The following DYRK1A variants were observed in gnomAD, a reference collection of about 807,000 sequenced individuals.
The protein encoded by DYRK1A is dual specificity tyrosine-phosphorylation-regulated kinase 1A.
DYRK1A carries 9 observed loss-of-function variants against 79.7 expected under a neutral mutation model. The observed-to-expected ratio is 0.11, with a 90% CI of 0.07 to 0.20. DYRK1A has a LOEUF of 0.20. DYRK1A is among the 10% of genes least tolerant of loss of function. DYRK1A has a pLI of 1.00. For synonymous variants in DYRK1A, 349 were observed against 329.7 expected (o/e 1.06, Z -0.63); for missense variants, 622 against 956.0 (o/e 0.65, Z 4.61).
At chr21:37,456,146 G>A (rs930015594) in intron 2 of DYRK1A, 2 of 152,362 alleles carry the variant, frequency 1.3e-5, no homozygotes, top group East Asian at 1.9e-4. Context: ...ATGAGGTGAC[G>A]TTTAAGCTGC....
intron 1 of DYRK1A, among the ~76,000 whole-genome samples, chr21:37,386,091 A>G (rs2049754271): frequency 1.3e-5 from 2 of 152,286 alleles, no homozygotes; most frequent in South Asian, 2.1e-4. Flanking sequence ...GAGGTGAACT[A>G]ATTTTCCCAT....
intron 2 of DYRK1A, among the ~76,000 whole-genome samples, chr21:37,463,203 CGTGTGTGT>C (rs6147501): frequency 0.01 from 1,521 of 145,300 alleles, 12 homozygotes; most frequent in East Asian, 0.033. Context: ...AATGTTGGCA[CGTGTGTGT>C]GTGTGTGTGT....
intron 2 of DYRK1A, among the ~76,000 whole-genome samples, chr21:37,467,143 A>G (rs1430795908): frequency 1.3e-5 from 2 of 151,906 alleles, no homozygotes; most frequent in Non-Finnish European, 2.9e-5. Context: ...AACGGAAACT[A>G]TCCACAAGCA....
chr21:37,443,443 G>C (rs2051169988), intron 2 of DYRK1A, among the ~76,000 whole-genome samples: 1 of 152,106 alleles, frequency 6.6e-6, no homozygotes, highest in South Asian at 2.1e-4. Context: ...TTTTTATTGT[G>C]TACCAGCCAT....
chr21:37,377,873 G>A (rs574196468), intron 1 of DYRK1A, among the ~76,000 whole-genome samples: 62 of 152,276 alleles, frequency 4.1e-4, no homozygotes, highest in East Asian at 3.9e-4. Flanking sequence ...ATGCTGGTGC[G>A]TACTTCCTTG....
In DYRK1A at chr21:37,490,124, T is replaced by G. The variant is rs751213007; in HGVS notation, c.638-51T>G. The G allele has an allele frequency of 2.9e-5, 44 of 1,523,402 alleles. No homozygotes were observed. The East Asian group carries it at 1.0e-3, about 35-fold the overall frequency. 94.4% of individuals were successfully genotyped at this position (1,523,402 alleles called of 1,614,324 possible). ...ATTTGAGAGTGCATGTGTTTGTTACTCTCAGTTTATTGGTATATATAATTT... is the reference window on the plus strand; with the variant it reads ...ATTTGAGAGTGCATGTGTTTGTTACGCTCAGTTTATTGGTATATATAATTT... On this transcript the variant is annotated intron_variant, in intron 6 of 11. Coordinates refer to ENST00000647188, the MANE Select transcript of DYRK1A (RefSeq NM_001347721.2).
intron 1 of DYRK1A, among the ~76,000 whole-genome samples, chr21:37,401,313 T>A (rs1457784440): frequency 6.6e-6 from 1 of 152,148 alleles, no homozygotes; most frequent in Non-Finnish European, 1.5e-5. Flanking sequence ...AGTGGAAAGT[T>A]TTCATGGTCA....
At chr21:37,411,486 T>C (rs1277486072) in intron 1 of DYRK1A, among the ~76,000 whole-genome samples, 1 of 151,920 alleles carries the variant, frequency 6.6e-6, no homozygotes, top group Admixed American at 6.6e-5. Flanking sequence ...TGCTCATGTA[T>C]AATTGATTTG....
At position 37,506,187 on chromosome 21, in the gene DYRK1A, C is replaced by T. The variant is rs151236032; in HGVS notation, c.1608C>T (p.Ala536=). 2.7e-5 allele frequency: 43 copies of T among 1,614,040 alleles called. No homozygotes were observed. In the Admixed American group the frequency reaches 3.2e-4, roughly 12 times the overall value. The stretch of plus-strand genomic sequence containing the variant: ...ACAGTGGTGGGCACTTCACAGCTGC[C>T]GTGCAGGCCATGGACTGCGAGACAC... ...HRHSGGHFTA[A]VQAMDCETHS... is the part of the protein sequence containing the mutation. The change falls in exon 11 of 12, where the codon GCC becomes GCT. Residue 536 remains alanine (A), a synonymous_variant. Coordinates refer to ENST00000647188, the MANE Select transcript of DYRK1A (RefSeq NM_001347721.2).
At chr21:37,389,465 T>G (rs1318397475) in intron 1 of DYRK1A, among the ~76,000 whole-genome samples, 1 of 152,168 alleles carries the variant, frequency 6.6e-6, no homozygotes, top group Non-Finnish European at 1.5e-5. Context: ...TGTGCTGCCT[T>G]AAAAGAATAT....
intron 7 of DYRK1A, 91 bp from the exon 8 acceptor site, chr21:37,492,926 C>T (rs772188760): frequency 9.1e-7 from 1 of 1,094,478 alleles, no homozygotes; most frequent in African/African-American, 1.6e-5. Context: ...TTAGCCAATT[C>T]TTTTCTGTTA....
At chr21:37,385,817 T>C (rs941510299) in intron 1 of DYRK1A, among the ~76,000 whole-genome samples, 1 of 152,204 alleles carries the variant, frequency 6.6e-6, no homozygotes, top group South Asian at 2.1e-4. Flanking sequence ...TCTGAAAGAT[T>C]TTCCCTCTGT....
rs77704826 is a variant in DYRK1A, at chr21:37,371,262, G to T, written c.-77+3634G>T. ...CATGTGACTAAAATAATCATTGAAG[G>T]TTCGTTCATATTGGGTAATTGAAGA... On this transcript the variant is annotated intron_variant, in intron 1 of 11. Coordinates refer to ENST00000647188, the MANE Select transcript of DYRK1A (RefSeq NM_001347721.2). Among the ~76,000 whole-genome samples, 985 of 152,302 alleles carry T rather than the reference G, an allele frequency of 6.5e-3. 10 individuals are homozygous for T. Among genetic ancestry groups the T allele is most frequent in the African/African-American group, 0.023 (941 of 41,572 alleles).
At chr21:37,398,265 T>C (rs2148396972) in intron 1 of DYRK1A, among the ~76,000 whole-genome samples, 1 of 151,234 alleles carries the variant, frequency 6.6e-6, no homozygotes, top group South Asian at 2.1e-4. Context: ...TTGAGTCCAG[T>C]CTTGAGTCCA....
intron 2 of DYRK1A, among the ~76,000 whole-genome samples, chr21:37,425,247 G>A (rs1451166455): frequency 6.6e-6 from 1 of 152,166 alleles, no homozygotes; most frequent in Non-Finnish European, 1.5e-5. Context: ...GACACAGGAA[G>A]TGCTCAGCAA....
Position 37,496,110 on chromosome 21 carries a change from T to C in DYRK1A, c.1072-8T>C. On this transcript the variant is annotated splice_region_variant and splice_polypyrimidine_tract_variant and intron_variant, in intron 8 of 11. Transcript: ENST00000647188. ...TTACAGGTTTTGTTGTTTTTATTTT[T>C]AATACAGGTAGATCAGATGAATAAA... 6.3e-7 allele frequency: 1 copy of C among 1,596,568 alleles called. No homozygotes were observed. Among genetic ancestry groups the C allele is most frequent in the South Asian group, 1.1e-5 (1 of 87,254 alleles).
chr21:37,499,601 G>A (rs1254781640), intron 9 of DYRK1A, among the ~76,000 whole-genome samples: 2 of 152,080 alleles, frequency 1.3e-5, no homozygotes, highest in Non-Finnish European at 2.9e-5. Context: ...TCTCAGCAGT[G>A]TTTTATAGTT....
chr21:37,468,100 GC>G (rs2052093620), intron 2 of DYRK1A, among the ~76,000 whole-genome samples: 1 of 152,092 alleles, frequency 6.6e-6, no homozygotes, highest in Non-Finnish European at 1.5e-5. Context: ...ACATGGAATA[GC>G]CAAACTTACT....
At chr21:37,477,269 G>A (rs2052433264) in intron 3 of DYRK1A, among the ~76,000 whole-genome samples, 1 of 152,216 alleles carries the variant, frequency 6.6e-6, no homozygotes, top group South Asian at 2.1e-4. Flanking sequence ...GTCCAGAAGA[G>A]TTGGGCAGGA....
Sources: gnomAD v4.1 joint callset for allele counts (sites outside exome capture counted in the v4.1 genomes callset) on GRCh38, gnomAD v4.1.1 for gene constraint, MANE v1.5 for transcripts, NCBI Gene and HGNC (gene_info 2026-07-23, HGNC 2026-07-21) for gene names.